CMTM4: variants seen among roughly 807,000 people sequenced by gnomAD.
The protein encoded by CMTM4 is CKLF-like MARVEL transmembrane domain-containing protein 4.
A neutral mutation model predicts 19.0 loss-of-function variants in CMTM4; 8 were observed. The ratio of observed to expected loss-of-function variants is 0.42; its 90% confidence interval spans 0.25 to 0.76. The LOEUF (loss-of-function observed/expected upper bound fraction) is 0.76. Ranked by LOEUF, CMTM4 falls within the 30% of genes least tolerant of loss-of-function variation. The probability of loss-of-function intolerance (pLI) is 0.27; values close to 1 mark genes in which losing one functional copy is unlikely to be tolerated. For missense variants in CMTM4, 228 were observed against 290.2 expected (o/e 0.79, Z 1.56); for synonymous variants, 106 against 121.1 (o/e 0.88, Z 0.82).
chr16:66,681,111 C>G (rs1262693751), intron 1 of CMTM4, among the ~76,000 whole-genome samples: 1 of 151,998 alleles, frequency 6.6e-6, no homozygotes, highest in East Asian at 1.9e-4. Context: ...AAATATTGAC[C>G]AGACACAGTG....
At chr16:66,636,366 C>G in intron 2 of CMTM4, 39 bp downstream of exon 2, 1 of 1,570,298 alleles carries the variant, frequency 6.4e-7, no homozygotes, top group Non-Finnish European at 8.7e-7. Flanking sequence ...CCAACAGGCA[C>G]GTGATCCTTT....
chr16:66,682,150 C>T (rs1208968261), intron 1 of CMTM4, among the ~76,000 whole-genome samples: 1 of 152,050 alleles, frequency 6.6e-6, no homozygotes, highest in Non-Finnish European at 1.5e-5. Flanking sequence ...AGTACCTGGC[C>T]CACCCTAGGC....
chr16:66,672,243 C>CA (rs112556957), intron 1 of CMTM4, among the ~76,000 whole-genome samples: 75 of 141,772 alleles, frequency 5.3e-4, no homozygotes, highest in South Asian at 1.3e-3. Flanking sequence ...ACTAAAAATA[C>CA]AAAAAAAAAA....
the CMTM4 span, among the ~76,000 whole-genome samples, chr16:66,603,115 G>C: frequency 1.3e-5 from 2 of 152,120 alleles, no homozygotes; most frequent in Non-Finnish European, 2.9e-5. Flanking sequence ...CAGAGTCTTT[G>C]AGGGGCAGAG....
intron 2 of CMTM4, among the ~76,000 whole-genome samples, chr16:66,631,036 G>A (rs1356546446): frequency 2.0e-5 from 3 of 151,290 alleles, no homozygotes; most frequent in Non-Finnish European, 2.9e-5. Context: ...CGCCCCATCT[G>A]AGAAGTGAGG....
At position 66,618,286 on chromosome 16, in the gene CMTM4, C is replaced by T. The variant is rs2015562850; in HGVS notation, c.*3772G>A. ...ATACCTGTTTAACGTCATTATTACTCTGTAAACAAGATCTGGAGAAGATGA... is the reference window on the plus strand; with the variant it reads ...ATACCTGTTTAACGTCATTATTACTTTGTAAACAAGATCTGGAGAAGATGA... On this transcript the variant is annotated 3_prime_UTR_variant, in exon 4 of 4. Transcript: ENST00000394106. 3 of 985,462 alleles carry T rather than the reference C, an allele frequency of 3.0e-6. No individual in the cohort carries two copies. The highest frequency in any genetic ancestry group is 3.6e-6 in the Non-Finnish European group (3 of 829,934). The allele number at this position is 985,462 out of a possible 1,614,324, so 61.0% of individuals were successfully genotyped here. A position where few individuals can be genotyped will look rare whatever the true frequency, so the allele number is the denominator to read the frequency against.
At chr16:66,643,245 C>T (rs1376614902) in intron 1 of CMTM4, among the ~76,000 whole-genome samples, 3 of 152,164 alleles carry the variant, frequency 2.0e-5, no homozygotes, top group African/African-American at 7.2e-5. Flanking sequence ...TGGCATTCAG[C>T]TAACTGGAAG....
At chr16:66,612,936 G>A, downstream of CMTM4, 1 of 641,756 alleles carries the variant, frequency 1.6e-6, no homozygotes. This position sits in a 1 kb window ranked among gnomAD's most constrained non-coding sequence, Gnocchi z 6.0. Context: ...AGCACAAGGA[G>A]ACAAAGCAGA....
At chr16:66,609,457 C>G in the CMTM4 span, 1 of 1,612,988 alleles carries the variant, frequency 6.2e-7, no homozygotes, top group East Asian at 2.2e-5. This position sits in a 1 kb window ranked among gnomAD's most constrained non-coding sequence, Gnocchi z 4.4. Flanking sequence ...TGTGTCACCG[C>G]GGCCCTCATC....
rs774636947 is a variant in CMTM4 at position 66,623,488 on chromosome 16, A to G, written c.378T>C (p.Thr126=). 10 of 1,611,160 alleles carry G rather than the reference A, an allele frequency of 6.2e-6. No individual in the cohort carries two copies. In the African/African-American group the frequency reaches 1.3e-4, roughly 22 times the overall value. Residue 126 remains threonine, a synonymous_variant, in exon 3 of 4, where the codon ACT becomes ACC. Transcript: ENST00000394106. ...INWNLTDLVN[T]GLSAFLFFIA... The stretch of plus-strand genomic sequence containing the variant: ...TAAAGAAAAGGAAAGCGCTGAGTCC[A>G]GTGTTGACCAAATCCTAAAGGGAGA...
chr16:66,605,492 G>GC, the CMTM4 span: 1 of 152,546 alleles, frequency 6.6e-6, no homozygotes, highest in South Asian at 2.0e-4. The surrounding 1 kb of genome is among the most constrained non-coding windows in gnomAD (Gnocchi z 4.6). Context: ...TTCCTACTCC[G>GC]CCCTCGCCCC....
At chr16:66,635,691 GA>G (rs1327762918) in intron 2 of CMTM4, among the ~76,000 whole-genome samples, 1 of 152,198 alleles carries the variant, frequency 6.6e-6, no homozygotes, top group East Asian at 1.9e-4. Context: ...TGCTTACGTG[GA>G]TCTCCCTGAC....
chr16:66,611,448 C>CG (rs757115474), downstream of CMTM4, among the ~76,000 whole-genome samples: 2 of 151,812 alleles, frequency 1.3e-5, no homozygotes, highest in African/African-American at 2.4e-5. Context: ...GACTCCATCT[C>CG]GGGGGGAAAA....
Position 66,617,093 on chromosome 16 carries a change from T to TG in CMTM4, c.*4964dup. ...AACTTTAAAAGTTTCAATAGCTCCC[T>TG]GGGGGTCCAAGCCAAAGGCTCCCTG... On this transcript the variant is annotated 3_prime_UTR_variant, in exon 4 of 4. Coordinates refer to ENST00000394106, the MANE Select transcript of CMTM4 (RefSeq NM_181521.3). 1 of 533,152 alleles carries TG rather than the reference T, an allele frequency of 1.9e-6. No homozygotes were observed. The highest frequency in any genetic ancestry group is 2.9e-5 in the South Asian group (1 of 34,908). The allele number at this position is 533,152 out of a possible 1,614,324, so 33.0% of individuals were successfully genotyped here.
At position 66,619,137 on chromosome 16, in the gene CMTM4, T is replaced by G; in HGVS notation, c.*2921A>C. ...GCCAACAAGTATCTCCAGCCTTTCA[T>G]GACTGTAATCCCTCTTTAAGGCAGG... On this transcript the variant is annotated 3_prime_UTR_variant, in exon 4 of 4. Coordinates refer to ENST00000394106, the MANE Select transcript of CMTM4 (RefSeq NM_181521.3). 2.0e-6 allele frequency: 2 copies of G among 985,500 alleles called. No individual in the cohort carries two copies. Among genetic ancestry groups the G allele is most frequent in the Non-Finnish European group, 2.4e-6 (2 of 829,938 alleles). 61.0% of individuals were successfully genotyped at this position (985,500 alleles called of 1,614,324 possible).
intron 1 of CMTM4, among the ~76,000 whole-genome samples, chr16:66,660,399 A>C (rs978194356): frequency 6.8e-4 from 103 of 151,998 alleles, no homozygotes; most frequent in Non-Finnish European, 9.3e-4. Context: ...AAAAAAAAAA[A>C]AAAAAAACAA....
chr16:66,689,474 C>T (rs935803743), intron 1 of CMTM4, among the ~76,000 whole-genome samples: 3 of 152,060 alleles, frequency 2.0e-5, no homozygotes, highest in African/African-American at 4.8e-5. Flanking sequence ...TGTAGTGGCA[C>T]GATCGCGGCT....
intron 2 of CMTM4, among the ~76,000 whole-genome samples, chr16:66,628,078 G>A (rs556344057): frequency 1.3e-5 from 2 of 152,322 alleles, no homozygotes; most frequent in Admixed American, 6.5e-5. Flanking sequence ...GTTTCTCTCT[G>A]CCCAAACATC....
chr16:66,605,229 G>T, the CMTM4 span: 1 of 319,350 alleles, frequency 3.1e-6, no homozygotes, highest in Non-Finnish European at 5.7e-6. The surrounding 1 kb of genome is among the most constrained non-coding windows in gnomAD (Gnocchi z 4.6). Flanking sequence ...CCGGGGATGT[G>T]GGTCCTGCTG....
Sources: gnomAD v4.1 joint callset for allele counts (sites outside exome capture counted in the v4.1 genomes callset) on GRCh38, gnomAD v4.1.1 for gene constraint, Gnocchi (gnomAD v3.1) non-coding constraint, MANE v1.5 for transcripts, NCBI Gene and HGNC (gene_info 2026-07-23, HGNC 2026-07-21) for gene names.